COL13A1: variants seen among roughly 807,000 people sequenced by gnomAD.
The protein encoded by COL13A1 is collagen type XIII alpha 1 chain.
COL13A1 carries 89 observed loss-of-function variants against 130.9 expected under a neutral mutation model. The observed-to-expected ratio is 0.68, with a 90% confidence interval of 0.57 to 0.81. COL13A1 has a LOEUF of 0.81. Among genes scored for constraint, COL13A1 ranks in the 30% least tolerant of loss-of-function variants. The pLI is 0.00. For synonymous variants in COL13A1, 402 were observed against 341.6 expected (o/e 1.18, Z -1.95); for missense variants, 879 against 934.6 (o/e 0.94, Z 0.78).
chr10:69,808,842 G>A (rs144522504), intron 1 of COL13A1, among the ~76,000 whole-genome samples: 4 of 152,310 alleles, frequency 2.6e-5, no homozygotes, highest in African/African-American at 9.6e-5. Context: ...CAGCGTCCCC[G>A]GCCCTGGACC....
At chr10:69,835,110 C>G (rs1016699015) in intron 2 of COL13A1, among the ~76,000 whole-genome samples, 1 of 152,180 alleles carries the variant, frequency 6.6e-6, no homozygotes, top group African/African-American at 2.4e-5. Flanking sequence ...ACAATCCTGC[C>G]CGCAGCACAC....
intron 2 of COL13A1, among the ~76,000 whole-genome samples, chr10:69,825,455 T>C (rs1847244985): frequency 6.6e-6 from 1 of 152,228 alleles, no homozygotes; most frequent in Non-Finnish European, 1.5e-5. Context: ...TCTGTGAATG[T>C]TCAATAAATG....
rs143351352 is a variant in COL13A1 at position 69,802,418 on chromosome 10, G to T, written c.-6G>T. ...ATTTATTTATTGGTTCTCAAGACGC[G>T]AGAGGATGGTAGCGGAGCGCACCCA... On this transcript the variant is annotated 5_prime_UTR_variant, in exon 1 of 41. Coordinates refer to ENST00000645393, the MANE Select transcript of COL13A1 (RefSeq NM_001368882.1). 1.3e-6 allele frequency: 2 copies of T among 1,486,970 alleles called. No individual in the cohort carries two copies. The highest frequency in any genetic ancestry group is 5.5e-5 in the East Asian group (2 of 36,560). 92.1% of individuals were successfully genotyped at this position (1,486,970 alleles called of 1,614,324 possible).
At chr10:69,848,528 C>T (rs1041608650) in intron 2 of COL13A1, among the ~76,000 whole-genome samples, 2 of 152,102 alleles carry the variant, frequency 1.3e-5, no homozygotes, top group Admixed American at 6.5e-5. Context: ...AGCTCATCCC[C>T]GAGGATACCC....
chr10:69,869,131 G>A (rs2058814323), intron 3 of COL13A1, among the ~76,000 whole-genome samples: 2 of 152,332 alleles, frequency 1.3e-5, no homozygotes, highest in South Asian at 4.1e-4. Context: ...CCTTTCCTCA[G>A]TAGGAATTTT....
At chr10:69,921,689 C>T (rs1308558746) in intron 21 of COL13A1, among the ~76,000 whole-genome samples, 193 bp from the exon 22 acceptor site, 7 of 152,144 alleles carry the variant, frequency 4.6e-5, no homozygotes, top group African/African-American at 1.2e-4. Context: ...GTCACCAACG[C>T]GAAGTGACCC....
chr10:69,805,798 G>A (rs1451556137), intron 1 of COL13A1, among the ~76,000 whole-genome samples: 1 of 152,224 alleles, frequency 6.6e-6, no homozygotes, highest in Non-Finnish European at 1.5e-5. Context: ...GGAGAGCAAT[G>A]GGTAAGGCAG....
chr10:69,904,015 A>G (rs1291875614), intron 15 of COL13A1, among the ~76,000 whole-genome samples: 1 of 152,160 alleles, frequency 6.6e-6, no homozygotes, highest in Non-Finnish European at 1.5e-5. Context: ...TGACCCCTGC[A>G]ATGCTTGACC....
In COL13A1 at chr10:69,957,032, G is replaced by A. The variant is rs2070853142; in HGVS notation, c.2174G>A (p.Cys725Tyr). Residue 725 changes from cysteine (C) to tyrosine (Y), a missense_variant, in exon 40 of 41, where the codon TGC (cysteine) becomes TAC (tyrosine). Cys to Tyr is a radical substitution (Grantham distance 194). Coordinates refer to ENST00000645393, the MANE Select transcript of COL13A1 (RefSeq NM_001368882.1). Reference protein sequence around the residue: ...LGEDGLPVQGCWNK With the variant: ...LGEDGLPVQGYWNK ...GAAGATGGCTTACCAGTCCAAGGCT[G>A]CTGGAACAAGGTAAGGCTTCCCATT... is the stretch of plus-strand genomic sequence containing the variant. 6.2e-7 allele frequency: 1 copy of A among 1,613,596 alleles called. No individual in the cohort carries two copies. Among genetic ancestry groups the A allele is most frequent in the Non-Finnish European group, 8.5e-7 (1 of 1,179,666 alleles).
rs1190929119 is a variant in COL13A1 at position 69,902,823 on chromosome 10, C to G, written c.826C>G (p.His276Asp). ...GPPGPSGPLG[H>D]PGLPGPMGPP... The stretch of plus-strand genomic sequence containing the variant: ...CCCTGGACCAAGTGGACCTCTGGGG[C>G]ACCCAGGACTGCCAGGGCCTATGGG... The change falls in exon 15 of 41, where the codon CAC becomes GAC. Residue 276 changes from histidine to aspartate, a missense_variant. His to Asp is a moderately conservative substitution (Grantham distance 81, BLOSUM62 -1). Coordinates refer to ENST00000645393, the MANE Select transcript of COL13A1 (RefSeq NM_001368882.1). 8 of 1,546,436 alleles carry G rather than the reference C, an allele frequency of 5.2e-6. No individual in the cohort carries two copies. Among genetic ancestry groups the G allele is most frequent in the Non-Finnish European group, 7.0e-6 (8 of 1,144,222 alleles).
At chr10:69,878,426 A>G (rs1193427219) in intron 6 of COL13A1, among the ~76,000 whole-genome samples, 2 of 152,126 alleles carry the variant, frequency 1.3e-5, no homozygotes, top group Non-Finnish European at 2.9e-5. Flanking sequence ...TCAGAAATCC[A>G]GAAGCCATCC....
At chr10:69,860,393 A>G (rs910257971) in intron 2 of COL13A1, among the ~76,000 whole-genome samples, 2 of 152,226 alleles carry the variant, frequency 1.3e-5, no homozygotes, top group Admixed American at 1.3e-4. Flanking sequence ...GTGCCAAGAT[A>G]CAATCTTCTT....
intron 2 of COL13A1, among the ~76,000 whole-genome samples, chr10:69,850,455 G>A: frequency 2.5e-5 from 1 of 40,466 alleles, no homozygotes; most frequent in Admixed American, 2.6e-4. Context: ...GCCTGGCATG[G>A]GGTGACACTC....
chr10:69,869,637 A>G (rs1310364480), intron 3 of COL13A1, among the ~76,000 whole-genome samples: 1 of 152,232 alleles, frequency 6.6e-6, no homozygotes, highest in Non-Finnish European at 1.5e-5. Flanking sequence ...ATTTTCAGCT[A>G]CCACTGCCCC....
intron 17 of COL13A1, among the ~76,000 whole-genome samples, chr10:69,915,267 T>C (rs2063799666): frequency 6.6e-6 from 1 of 152,204 alleles, no homozygotes; most frequent in Non-Finnish European, 1.5e-5. Flanking sequence ...CTGCAGTAAG[T>C]GGCTGTGCCC....
chr10:69,937,780 G>T, intron 34 of COL13A1, 65 bp downstream of exon 34: 1 of 760,366 alleles, frequency 1.3e-6, no homozygotes, highest in East Asian at 2.5e-5. Flanking sequence ...CTGGGACTGG[G>T]GGACAGCCAG....
intron 6 of COL13A1, among the ~76,000 whole-genome samples, chr10:69,878,547 T>G (rs1405816215): frequency 6.6e-6 from 1 of 152,026 alleles, no homozygotes; most frequent in Non-Finnish European, 1.5e-5. Context: ...AGTGGCGAGA[T>G]CTCGGCTCAC....
At chr10:69,953,074 C>A in intron 39 of COL13A1, 106 bp downstream of exon 39, 1 of 738,270 alleles carries the variant, frequency 1.4e-6, no homozygotes, top group Non-Finnish European at 2.1e-6. Flanking sequence ...AATGTCTACA[C>A]GGATGCTACC....
At chr10:69,941,511 G>A (rs2067637796) in intron 35 of COL13A1, among the ~76,000 whole-genome samples, 1 of 152,184 alleles carries the variant, frequency 6.6e-6, no homozygotes, top group South Asian at 2.1e-4. Flanking sequence ...GGACAGCTTT[G>A]AAGGCTGAGG....
Sources: gnomAD v4.1 joint callset for allele counts (sites outside exome capture counted in the v4.1 genomes callset) on GRCh38, gnomAD v4.1.1 for gene constraint, MANE v1.5 for transcripts, NCBI Gene and HGNC (gene_info 2026-07-23, HGNC 2026-07-21) for gene names.